TBC1D1: variants seen among roughly 807,000 people sequenced by gnomAD.
TBC1D1 encodes TBC1 (tre-2/USP6, BUB2, cdc16) domain family, member 1.
TBC1D1 carries 89 observed loss-of-function variants against 125.6 expected under a neutral mutation model. The observed-to-expected ratio is 0.71, with a 90% confidence interval of 0.60 to 0.85. The LOEUF (loss-of-function observed/expected upper bound fraction) is 0.85. Ranked by LOEUF, TBC1D1 falls within the 40% of genes least tolerant of loss-of-function variation. TBC1D1 has a pLI of 0.00. For synonymous variants in TBC1D1, 565 were observed against 564.1 expected (o/e 1.00, Z -0.02); for missense variants, 1,377 against 1,469.2 (o/e 0.94, Z 1.03).
At position 38,022,793 on chromosome 4, in the gene TBC1D1, C is replaced by T. The variant is rs935886204; in HGVS notation, c.1210+1075C>T. On this transcript the variant is annotated intron_variant, in intron 6 of 19. Coordinates refer to ENST00000261439, the MANE Select transcript of TBC1D1 (RefSeq NM_015173.4). Reference sequence around the variant, plus strand: ...GGCATCTGGAAGGTGAAGGAGTTTTCACCACTCTGTTCTTGATTTTGTGTT... The same window carrying T: ...GGCATCTGGAAGGTGAAGGAGTTTTTACCACTCTGTTCTTGATTTTGTGTT... 5.3e-5 allele frequency among the ~76,000 whole-genome samples: 8 copies of T among 152,258 alleles called. No homozygotes were observed. In the East Asian group the frequency reaches 1.5e-3, roughly 29 times the overall value.
Position 38,138,477 on chromosome 4 carries a change from G to T in TBC1D1, c.*1142G>T, listed in dbSNP as rs977626999. On this transcript the variant is annotated 3_prime_UTR_variant, in exon 20 of 20. Transcript: ENST00000261439. ...GGGACTTTCAAAAAAAAAAGATCAGGCTGAAACTGCAGTCAGATTTATGAC... is the reference window on the plus strand; with the variant it reads ...GGGACTTTCAAAAAAAAAAGATCAGTCTGAAACTGCAGTCAGATTTATGAC... 6.6e-6 allele frequency: 1 copy of T among 152,600 alleles called. No homozygotes were observed. Among genetic ancestry groups the T allele is most frequent in the Non-Finnish European group, 1.5e-5 (1 of 68,036 alleles). The allele number at this position is 152,600 out of a possible 1,614,324, so 9.5% of individuals were successfully genotyped here. A position where few individuals can be genotyped will look rare whatever the true frequency, so the allele number is the denominator to read the frequency against.
Position 38,049,951 on chromosome 4 carries a change from GCCAGGTATGTGCATC to G in TBC1D1, c.1910+64_1910+78del, listed in dbSNP as rs1015528849. The G allele has an allele frequency of 7.1e-6, 11 of 1,548,796 alleles. No homozygotes were observed. The African/African-American group carries it at 1.4e-4, about 19-fold the overall frequency. The stretch of plus-strand genomic sequence containing the variant: ...AATAGCTGGGGCATATCTGTGACTA[GCCAGGTATGTGCATC>G]CCAGGTATGTTTATTGAGTGAGAGA... On this transcript the variant is annotated intron_variant, in intron 11 of 19. Transcript: ENST00000261439.
intron 15 of TBC1D1, among the ~76,000 whole-genome samples, chr4:38,105,875 T>C (rs1761209610): frequency 6.6e-6 from 1 of 152,198 alleles, no homozygotes. Context: ...GTCTTTGCAA[T>C]TGTGAATAGT....
At chr4:38,101,742 A>T (rs1310961126) in intron 14 of TBC1D1, among the ~76,000 whole-genome samples, 1 of 152,142 alleles carries the variant, frequency 6.6e-6, no homozygotes, top group Admixed American at 6.5e-5. Context: ...AACATGCATG[A>T]TTCCCTGGAG....
chr4:38,056,466 G>A (rs1751728687), intron 12 of TBC1D1, among the ~76,000 whole-genome samples: 1 of 152,126 alleles, frequency 6.6e-6, no homozygotes, highest in Admixed American at 6.5e-5. Context: ...AACATTCTTG[G>A]CTCTTATTCT....
At chr4:38,051,097 A>G (rs1394960569) in intron 11 of TBC1D1, among the ~76,000 whole-genome samples, 1 of 152,172 alleles carries the variant, frequency 6.6e-6, no homozygotes. Context: ...GATCATTGAA[A>G]CATTCCTGTC....
intron 7 of TBC1D1, among the ~76,000 whole-genome samples, chr4:38,031,092 T>C (rs1746037577): frequency 6.6e-6 from 1 of 152,222 alleles, no homozygotes; most frequent in Non-Finnish European, 1.5e-5. Flanking sequence ...GGGCATGTGT[T>C]AGGATGACCC....
chr4:37,913,490 T>C (rs931901346), intron 2 of TBC1D1, among the ~76,000 whole-genome samples: 4 of 151,844 alleles, frequency 2.6e-5, no homozygotes, highest in Admixed American at 2.6e-4. Flanking sequence ...TCCCAGCTAC[T>C]CAGGAGGCTG....
chr4:38,012,703 C>A (rs987360287), intron 2 of TBC1D1, among the ~76,000 whole-genome samples: 27 of 152,182 alleles, frequency 1.8e-4, no homozygotes, highest in Admixed American at 5.2e-4. Context: ...GTTTTTAGGC[C>A]TCTGTATGAT....
chr4:37,971,753 C>T (rs1273340990), intron 2 of TBC1D1, among the ~76,000 whole-genome samples: 1 of 152,200 alleles, frequency 6.6e-6, no homozygotes, highest in Non-Finnish European at 1.5e-5. Context: ...ATCAGAATCA[C>T]TTGCTAGAAT....
intron 2 of TBC1D1, among the ~76,000 whole-genome samples, chr4:37,945,020 A>G (rs113566872): frequency 3.6e-4 from 55 of 152,370 alleles, no homozygotes; most frequent in Non-Finnish European, 3.4e-4. Context: ...ACTAGTGGTT[A>G]TAAATCTTAG....
intron 2 of TBC1D1, among the ~76,000 whole-genome samples, chr4:37,934,860 T>G (rs561854483): frequency 2.6e-5 from 4 of 152,302 alleles, no homozygotes; most frequent in African/African-American, 7.2e-5. Context: ...CAGCAAACAT[T>G]TATTTTTGGC....
chr4:37,919,345 T>G lies in TBC1D1; in HGVS notation c.417+16833T>G, dbSNP rs566919221. Reference sequence around the variant, plus strand: ...TGCCTAGCTGGTTTGTTTTTGTTTTTTTTTTTTTTTGGTATTTTTAATATA... The same window carrying G: ...TGCCTAGCTGGTTTGTTTTTGTTTTGTTTTTTTTTTGGTATTTTTAATATA... On this transcript the variant is annotated intron_variant, in intron 2 of 19. Coordinates refer to ENST00000261439, the MANE Select transcript of TBC1D1 (RefSeq NM_015173.4). Among the ~76,000 whole-genome samples, 300 of 150,826 alleles carry G rather than the reference T, an allele frequency of 2.0e-3. 2 individuals are homozygous for G. Among genetic ancestry groups the G allele is most frequent in the African/African-American group, 6.7e-3 (277 of 41,170 alleles).
At chr4:37,932,861 A>G (rs1723546590) in intron 2 of TBC1D1, among the ~76,000 whole-genome samples, 1 of 152,206 alleles carries the variant, frequency 6.6e-6, no homozygotes, top group Non-Finnish European at 1.5e-5. Flanking sequence ...GTTGGAGACC[A>G]GCCTGGCCAA....
chr4:37,930,016 C>A (rs1279730569), intron 2 of TBC1D1, among the ~76,000 whole-genome samples: 1 of 152,122 alleles, frequency 6.6e-6, no homozygotes, highest in Non-Finnish European at 1.5e-5. Context: ...CCCGGCAGTT[C>A]CATTCCTAAG....
intron 2 of TBC1D1, among the ~76,000 whole-genome samples, chr4:37,996,962 T>G (rs1463807302): frequency 6.6e-6 from 1 of 152,246 alleles, no homozygotes; most frequent in Admixed American, 6.5e-5. Flanking sequence ...CTTTTTAAGA[T>G]TTGGACAAAG....
At chr4:37,929,642 G>T (rs1415139404) in intron 2 of TBC1D1, among the ~76,000 whole-genome samples, 1 of 152,176 alleles carries the variant, frequency 6.6e-6, no homozygotes, top group African/African-American at 2.4e-5. Flanking sequence ...TTCCTAGTGT[G>T]CAGGAGATAA....
intron 2 of TBC1D1, among the ~76,000 whole-genome samples, chr4:37,991,275 CAT>C (rs1736509117): frequency 6.6e-6 from 1 of 152,214 alleles, no homozygotes; most frequent in Non-Finnish European, 1.5e-5. Context: ...TTCTCAAAAA[CAT>C]CATTTTTATT....
intron 2 of TBC1D1, among the ~76,000 whole-genome samples, chr4:37,926,722 C>T (rs560245375): frequency 6.6e-6 from 1 of 152,232 alleles, no homozygotes; most frequent in Non-Finnish European, 1.5e-5. Context: ...TTCTCTTTGG[C>T]CACTGCCACC....
Sources: gnomAD v4.1 joint callset for allele counts (sites outside exome capture counted in the v4.1 genomes callset) on GRCh38, gnomAD v4.1.1 for gene constraint, MANE v1.5 for transcripts, NCBI Gene and HGNC (gene_info 2026-07-23, HGNC 2026-07-21) for gene names.